CCSER1: variants seen among roughly 807,000 people sequenced by gnomAD.
CCSER1 encodes coiled-coil serine rich protein 1.
CCSER1 carries 41 observed loss-of-function variants against 82.0 expected under a neutral mutation model. The ratio of observed to expected loss-of-function variants is 0.50; its 90% CI spans 0.39 to 0.65. The LOEUF (loss-of-function observed/expected upper bound fraction) is 0.65. CCSER1 is among the 30% of genes least tolerant of loss of function. CCSER1 has a pLI of 0.00. For synonymous variants in CCSER1, 414 were observed against 383.9 expected (o/e 1.08, Z -0.92); for missense variants, 1,119 against 1,064.2 (o/e 1.05, Z -0.72).
intron 1 of CCSER1, among the ~76,000 whole-genome samples, chr4:90,210,363 C>A (rs1335098832): frequency 6.6e-6 from 1 of 152,070 alleles, no homozygotes; most frequent in African/African-American, 2.4e-5. Flanking sequence ...GAAGTTTAAG[C>A]AGTTGTCTTC....
chr4:90,659,146 A>G (rs1401036272), intron 6 of CCSER1, among the ~76,000 whole-genome samples: 1 of 151,008 alleles, frequency 6.6e-6, no homozygotes, highest in African/African-American at 2.4e-5. Flanking sequence ...TTAATGTTAC[A>G]ATGGGACTCG....
chr4:90,411,057 T>C (rs1754694374), intron 4 of CCSER1, among the ~76,000 whole-genome samples: 1 of 152,046 alleles, frequency 6.6e-6, no homozygotes, highest in African/African-American at 2.4e-5. Flanking sequence ...CACATACACC[T>C]CCTAAGGCTA....
chr4:91,423,819 G>A (rs1753813692), intron 10 of CCSER1, among the ~76,000 whole-genome samples: 1 of 152,008 alleles, frequency 6.6e-6, no homozygotes, highest in South Asian at 2.1e-4. Context: ...TGTTCACTGA[G>A]TCTCTGTATT....
intron 10 of CCSER1, among the ~76,000 whole-genome samples, chr4:91,268,686 A>G (rs1484185463): frequency 6.6e-6 from 1 of 151,890 alleles, no homozygotes; most frequent in Non-Finnish European, 1.5e-5. Flanking sequence ...GTTTTATAGG[A>G]TTTGGGTGGG....
intron 10 of CCSER1, among the ~76,000 whole-genome samples, chr4:91,573,725 A>T (rs1051069247): frequency 6.6e-6 from 1 of 152,088 alleles, no homozygotes; most frequent in African/African-American, 2.4e-5. Flanking sequence ...ATTAGTCCCA[A>T]TGCAAGTACC....
At chr4:90,183,404 A>G (rs1734044068) in intron 1 of CCSER1, among the ~76,000 whole-genome samples, 1 of 152,130 alleles carries the variant, frequency 6.6e-6, no homozygotes. Context: ...TGCATTTTAT[A>G]AAAGGAGAAG....
chr4:91,562,146 AT>A (rs1165645602), intron 10 of CCSER1, among the ~76,000 whole-genome samples: 1 of 151,414 alleles, frequency 6.6e-6, no homozygotes, highest in Non-Finnish European at 1.5e-5. Flanking sequence ...TACCAAAGTT[AT>A]TTTCTTTTGT....
chr4:91,159,863 A>T (rs1316425167), intron 10 of CCSER1, among the ~76,000 whole-genome samples: 1 of 151,922 alleles, frequency 6.6e-6, no homozygotes, highest in Non-Finnish European at 1.5e-5. Flanking sequence ...GAATAAATAT[A>T]TTATGAAATC....
intron 9 of CCSER1, among the ~76,000 whole-genome samples, chr4:90,993,112 CT>C (rs1356386346): frequency 2.0e-5 from 3 of 152,060 alleles, no homozygotes; most frequent in Non-Finnish European, 2.9e-5. Flanking sequence ...CTTCCAAAAT[CT>C]ATGTCCCAGC....
At chr4:90,967,002 T>A (rs1387394371) in intron 9 of CCSER1, among the ~76,000 whole-genome samples, 1 of 152,082 alleles carries the variant, frequency 6.6e-6, no homozygotes, top group Non-Finnish European at 1.5e-5. Flanking sequence ...TCAAAATTTA[T>A]TATGAAGCTA....
At chr4:91,529,656 T>C (rs1052111920) in intron 10 of CCSER1, among the ~76,000 whole-genome samples, 15 of 152,106 alleles carry the variant, frequency 9.9e-5, no homozygotes, top group African/African-American at 3.6e-4. Context: ...GACTACCTTT[T>C]ATGGCAAGCT....
chr4:91,503,589 TG>T (rs1759333770), intron 10 of CCSER1, among the ~76,000 whole-genome samples: 1 of 149,548 alleles, frequency 6.7e-6, no homozygotes, highest in Admixed American at 6.7e-5. Context: ...GGAAATTATT[TG>T]TTTTGAGCTA....
At chr4:90,444,303 G>T (rs1760321547) in intron 4 of CCSER1, among the ~76,000 whole-genome samples, 2 of 152,110 alleles carry the variant, frequency 1.3e-5, no homozygotes, top group South Asian at 4.1e-4. Context: ...GCCATTCTTT[G>T]TTCTTTTTCA....
chr4:90,234,460 G>A (rs1199921227), intron 1 of CCSER1, among the ~76,000 whole-genome samples: 5 of 152,172 alleles, frequency 3.3e-5, no homozygotes, highest in African/African-American at 4.8e-5. Flanking sequence ...CAGATGATCC[G>A]CCCGCCTTGG....
intron 10 of CCSER1, among the ~76,000 whole-genome samples, chr4:91,172,061 C>T (rs1732822540): frequency 2.6e-5 from 4 of 151,752 alleles, no homozygotes; most frequent in Admixed American, 6.6e-5. Flanking sequence ...ATTGTTTTAC[C>T]TTTTATAAAA....
chr4:91,131,382 C>G (rs1561572629), intron 10 of CCSER1, among the ~76,000 whole-genome samples: 1 of 147,520 alleles, frequency 6.8e-6, no homozygotes, highest in East Asian at 2.0e-4. Context: ...AGATTCCACA[C>G]TGTTGTTGTA....
At chr4:90,268,730 A>G (rs1725701059) in intron 1 of CCSER1, among the ~76,000 whole-genome samples, 1 of 152,150 alleles carries the variant, frequency 6.6e-6, no homozygotes, top group African/African-American at 2.4e-5. Context: ...AATGGATTAC[A>G]TGCACCAATC....
chr4:90,483,473 G>A (rs945951548), intron 5 of CCSER1, among the ~76,000 whole-genome samples: 5 of 152,134 alleles, frequency 3.3e-5, no homozygotes, highest in Non-Finnish European at 7.3e-5. Context: ...AGCCTTGATG[G>A]TCTTTACAAT....
intron 4 of CCSER1, among the ~76,000 whole-genome samples, chr4:90,456,068 G>A (rs369034910): frequency 3.3e-5 from 5 of 152,130 alleles, no homozygotes; most frequent in African/African-American, 1.2e-4. Context: ...GTGAAGCTGT[G>A]GGACCAGGTC....
Sources: allele counts gnomAD v4.1 joint callset (sites outside exome capture counted in the v4.1 genomes callset), GRCh38; gene constraint gnomAD v4.1.1; transcripts MANE v1.5; gene names NCBI Gene and HGNC (gene_info 2026-07-23, HGNC 2026-07-21).